TACR1: variants seen among roughly 807,000 people sequenced by gnomAD.
TACR1 encodes the protein tachykinin receptor 1, also known as substance-P receptor.
Under a neutral mutation model 35.8 loss-of-function variants are expected in TACR1, and 25 were observed. That is an observed-to-expected ratio of 0.70 (90% CI 0.51 to 0.98). The LOEUF (loss-of-function observed/expected upper bound fraction) is 0.98, where lower values mean the gene tolerates loss of function less well. Among genes scored for constraint, TACR1 ranks in the 50% least tolerant of loss-of-function variants. The pLI is 0.00. For synonymous variants in TACR1, 195 were observed against 206.7 expected (o/e 0.94, Z 0.48); for missense variants, 478 against 522.9 (o/e 0.91, Z 0.84).
chr2:75,150,790 G>GA (rs1393674420), intron 1 of TACR1, among the ~76,000 whole-genome samples: 1 of 152,222 alleles, frequency 6.6e-6, no homozygotes. Flanking sequence ...GAAGAAGACA[G>GA]AAAAATGTGG....
chr2:75,062,761 T>C (rs1485898193), intron 2 of TACR1, among the ~76,000 whole-genome samples: 3 of 152,248 alleles, frequency 2.0e-5, no homozygotes, highest in Non-Finnish European at 2.9e-5. Context: ...GTTTATGAGA[T>C]TACCCTTTTG....
chr2:75,056,461 A>G (rs567141161), intron 2 of TACR1, among the ~76,000 whole-genome samples: 1 of 152,326 alleles, frequency 6.6e-6, no homozygotes, highest in South Asian at 2.1e-4. Flanking sequence ...TATTCAAACC[A>G]GCCAATCTTA....
intron 2 of TACR1, among the ~76,000 whole-genome samples, chr2:75,119,901 G>C (rs1398543080): frequency 6.6e-6 from 1 of 152,198 alleles, no homozygotes; most frequent in Middle Eastern, 3.2e-3. Context: ...CAGTGATATA[G>C]GGAAGATGCA....
chr2:75,176,413 C>G (rs1368060756), intron 1 of TACR1, among the ~76,000 whole-genome samples: 1 of 151,640 alleles, frequency 6.6e-6, no homozygotes, highest in East Asian at 1.9e-4. Flanking sequence ...TTCTCCACGC[C>G]AACACTATGC....
chr2:75,095,898 T>C (rs1673412796), intron 2 of TACR1, among the ~76,000 whole-genome samples: 1 of 152,182 alleles, frequency 6.6e-6, no homozygotes, highest in African/African-American at 2.4e-5. Flanking sequence ...AGTTCCTGAC[T>C]AAGGAGAAAG....
chr2:75,077,832 A>G (rs899829597), intron 2 of TACR1, among the ~76,000 whole-genome samples: 5 of 152,206 alleles, frequency 3.3e-5, no homozygotes, highest in Non-Finnish European at 7.3e-5. Flanking sequence ...TAACCCATTA[A>G]TGATCTTTTC....
At chr2:75,109,779 A>G (rs1026298063) in intron 2 of TACR1, among the ~76,000 whole-genome samples, 1 of 152,254 alleles carries the variant, frequency 6.6e-6, no homozygotes, top group Non-Finnish European at 1.5e-5. Context: ...TAATCTCTTC[A>G]TCTTACAGTT....
intron 2 of TACR1, among the ~76,000 whole-genome samples, chr2:75,082,504 T>A (rs1316518710): frequency 2.0e-5 from 3 of 152,298 alleles, no homozygotes; most frequent in Non-Finnish European, 4.4e-5. Flanking sequence ...CGCCACACTG[T>A]CTTCCACAAT....
intron 2 of TACR1, among the ~76,000 whole-genome samples, chr2:75,102,744 A>G (rs1673563909): frequency 6.6e-6 from 1 of 152,196 alleles, no homozygotes; most frequent in Non-Finnish European, 1.5e-5. Context: ...TGGTAAGTAT[A>G]TGCCAAATAA....
chr2:75,061,922 C>T (rs1331470674), intron 2 of TACR1, among the ~76,000 whole-genome samples: 1 of 152,180 alleles, frequency 6.6e-6, no homozygotes, highest in Non-Finnish European at 1.5e-5. Flanking sequence ...GTGTTGTTCT[C>T]CAGGTTACTT....
rs539102513 is a variant in TACR1, at chr2:75,151,615, G to A, written c.390-30847C>T. 1.8e-3 allele frequency among the ~76,000 whole-genome samples: 268 copies of A among 152,348 alleles called. 1 individual carries two copies. The highest frequency in any genetic ancestry group is 6.1e-3 in the African/African-American group (254 of 41,582). On this transcript the variant is annotated intron_variant, in intron 1 of 4. Transcript: ENST00000305249. ...TTTGCTGCAGGGGTGGGGCCCTCAT[G>A]GAGAAACTCTGCTAGGGCAGTGTGG... is the stretch of plus-strand genomic sequence containing the variant.
chr2:75,179,952 T>C (rs1438753208), intron 1 of TACR1, among the ~76,000 whole-genome samples: 1 of 152,222 alleles, frequency 6.6e-6, no homozygotes, highest in Non-Finnish European at 1.5e-5. Context: ...AATTGTGGTC[T>C]ATATGGCCTT....
At chr2:75,140,795 A>T (rs1387841370) in intron 1 of TACR1, among the ~76,000 whole-genome samples, 1 of 152,212 alleles carries the variant, frequency 6.6e-6, no homozygotes, top group Non-Finnish European at 1.5e-5. Context: ...AATAATATCA[A>T]GTTCAGAAGA....
intron 1 of TACR1, among the ~76,000 whole-genome samples, chr2:75,178,122 T>G (rs1675471502): frequency 6.6e-6 from 1 of 152,108 alleles, no homozygotes; most frequent in Admixed American, 6.6e-5. Context: ...ATATGCTCAC[T>G]TAAAACCTTT....
intron 1 of TACR1, among the ~76,000 whole-genome samples, chr2:75,150,899 A>C (rs552457768): frequency 1.1e-4 from 17 of 152,314 alleles, no homozygotes; most frequent in African/African-American, 4.1e-4. Context: ...TCTCAGATGG[A>C]GATGAGGAAC....
intron 2 of TACR1, among the ~76,000 whole-genome samples, chr2:75,113,871 G>A (rs774404398): frequency 1.9e-4 from 29 of 151,874 alleles, no homozygotes; most frequent in East Asian, 5.8e-4. Flanking sequence ...TCAAGAAGAC[G>A]GAAAATTTAA....
chr2:75,127,126 A>G lies in TACR1; in HGVS notation c.390-6358T>C, dbSNP rs140425162. ...AAATTGCTCCATCCATTCTCCTTCC[A>G]TCCTCCCTCCGTTTTAGGGAGCACA... On this transcript the variant is annotated intron_variant, in intron 1 of 4. Transcript: ENST00000305249. 2.2e-3 allele frequency among the ~76,000 whole-genome samples: 342 copies of G among 152,228 alleles called. 1 individual carries two copies. Among genetic ancestry groups the G allele is most frequent in the African/African-American group, 8.1e-3 (336 of 41,534 alleles).
At chr2:75,112,178 T>G (rs1312269630) in intron 2 of TACR1, among the ~76,000 whole-genome samples, 1 of 152,000 alleles carries the variant, frequency 6.6e-6, no homozygotes, top group Non-Finnish European at 1.5e-5. Context: ...GTTTGAGTTT[T>G]TGTGTGTGCA....
At chr2:75,138,758 CTCATTCAA>C (rs1286802792) in intron 1 of TACR1, among the ~76,000 whole-genome samples, 9 of 67,022 alleles carry the variant, frequency 1.3e-4, no homozygotes, top group Admixed American at 8.3e-4. Context: ...GACTCATCTA[CTCATTCAA>C]TCATTCATTC....
Sources: gnomAD v4.1 joint callset for allele counts (sites outside exome capture counted in the v4.1 genomes callset) on GRCh38, gnomAD v4.1.1 for gene constraint, MANE v1.5 for transcripts, NCBI Gene and HGNC (gene_info 2026-07-23, HGNC 2026-07-21) for gene names.